Variants in EIF4G3 observed in about 807,000 individuals in gnomAD.
EIF4G3 encodes eIF-4-gamma 3.
EIF4G3 carries 34 observed loss-of-function variants against 186.4 expected under a neutral mutation model. The ratio of observed to expected loss-of-function variants is 0.18; its 90% CI spans 0.14 to 0.24. The LOEUF (loss-of-function observed/expected upper bound fraction) is 0.24, where lower values mean the gene tolerates loss of function less well. Ranked by LOEUF, EIF4G3 falls within the 10% of genes least tolerant of loss-of-function variation. The pLI is 1.00. For missense variants in EIF4G3, 1,536 were observed against 1,948.5 expected, an observed-to-expected ratio of 0.79 and a Z score of 3.99; for synonymous variants, 673 against 679.5, an observed-to-expected ratio of 0.99 and a Z score of 0.15.
At position 20,919,297 on chromosome 1, in the gene EIF4G3, T is replaced by C. The variant is rs1490136452; in HGVS notation, c.1664-14326A>G. 6.6e-5 allele frequency among the ~76,000 whole-genome samples: 10 copies of C among 152,198 alleles called. No homozygotes were observed. In the East Asian group the frequency reaches 9.7e-4, roughly 15 times the overall value. On this transcript the variant is annotated intron_variant, in intron 14 of 36. Coordinates refer to ENST00000602326, the MANE Select transcript of EIF4G3 (RefSeq NM_001391906.1). ...AATCACGGCAGACTGCAGCTTCAAC[T>C]TCCCTGGTTCAGGTGATCCTCCCAC...
At chr1:21,087,131 T>C (rs1461404558) in intron 3 of EIF4G3, among the ~76,000 whole-genome samples, 1 of 152,134 alleles carries the variant, frequency 6.6e-6, no homozygotes, top group Non-Finnish European at 1.5e-5. Context: ...TAGAATTATT[T>C]ATTTTCTTAT....
intron 2 of EIF4G3, among the ~76,000 whole-genome samples, chr1:21,091,138 TTC>T (rs1298374450): frequency 3.3e-5 from 5 of 152,122 alleles, no homozygotes; most frequent in African/African-American, 1.2e-4. Context: ...AGCTATAGTC[TTC>T]TTTTTTTAAT....
At chr1:20,948,800 G>C (rs1043792220) in intron 13 of EIF4G3, among the ~76,000 whole-genome samples, 1 of 151,802 alleles carries the variant, frequency 6.6e-6, no homozygotes, top group African/African-American at 2.4e-5. Context: ...TTTGAGGTCA[G>C]GAATTTGAGA....
chr1:21,162,641 G>A (rs1558256260), intron 2 of EIF4G3, among the ~76,000 whole-genome samples: 2 of 152,148 alleles, frequency 1.3e-5, no homozygotes, highest in African/African-American at 4.8e-5. Context: ...TACTCTGTAG[G>A]CTGAGGAAGG....
At chr1:20,817,215 C>G (rs1199963086) in intron 34 of EIF4G3, among the ~76,000 whole-genome samples, 177 bp downstream of exon 34, 1 of 128,046 alleles carries the variant, frequency 7.8e-6, no homozygotes, top group African/African-American at 3.0e-5. Context: ...TCCCCCTCTG[C>G]GAGAAACACC....
At chr1:20,865,325 G>C in intron 20 of EIF4G3, 63 bp from the exon 21 acceptor site, 2 of 1,572,516 alleles carry the variant, frequency 1.3e-6, no homozygotes, top group Non-Finnish European at 1.7e-6. Context: ...AAAAATATCT[G>C]TTTGCTTTAT....
At chr1:21,148,655 T>A (rs1301840723) in intron 2 of EIF4G3, among the ~76,000 whole-genome samples, 1 of 145,384 alleles carries the variant, frequency 6.9e-6, no homozygotes, top group Admixed American at 7.1e-5. Context: ...TGAGCCGAGA[T>A]CGCGCCACTG....
At chr1:21,053,435 C>G (rs1471359461) in intron 3 of EIF4G3, among the ~76,000 whole-genome samples, 75 of 150,112 alleles carry the variant, frequency 5.0e-4, no homozygotes, top group Non-Finnish European at 8.5e-4. Flanking sequence ...TAGCCCACCC[C>G]CCGGCCAGCC....
chr1:21,003,571 C>A lies in EIF4G3; in HGVS notation c.-66-763G>T, dbSNP rs2084185342. 1.8e-5 allele frequency: 5 copies of A among 278,798 alleles called. No individual in the cohort carries two copies. In the South Asian group the frequency reaches 2.0e-4, roughly 11 times the overall value. 17.3% of individuals were successfully genotyped at this position (278,798 alleles called of 1,614,324 possible). ...GAAAAAGAATCCCAGAACTTTCCCT[C>A]CTATGTGTTTCACCTTGCCTCTTCA... On this transcript the variant is annotated intron_variant, in intron 4 of 36. Transcript: ENST00000602326.
At chr1:21,092,526 A>C (rs1335375298) in intron 2 of EIF4G3, among the ~76,000 whole-genome samples, 1 of 152,176 alleles carries the variant, frequency 6.6e-6, no homozygotes. Flanking sequence ...CATACTGCCC[A>C]AGGTAATTTA....
chr1:20,882,176 TACACACACACACACACACAC>T (rs138208807), intron 19 of EIF4G3, among the ~76,000 whole-genome samples: 1 of 86,956 alleles, frequency 1.2e-5, no homozygotes, highest in African/African-American at 3.4e-5. Context: ...AAAGAAAAAT[TACACACACACACACACACAC>T]ACACACACAC....
At chr1:21,013,141 T>G (rs533219210) in intron 4 of EIF4G3, among the ~76,000 whole-genome samples, 7 of 151,970 alleles carry the variant, frequency 4.6e-5, no homozygotes, top group African/African-American at 1.7e-4. Context: ...GCCGGCAGAA[T>G]CTGGGAGGGA....
chr1:20,976,400 C>T (rs16824915), intron 10 of EIF4G3, among the ~76,000 whole-genome samples: 4,382 of 151,016 alleles, frequency 0.029, 141 homozygotes, highest in East Asian at 0.14. Flanking sequence ...AGGACTGCTC[C>T]TATTTGATGA....
At chr1:20,863,767 A>G (rs1409357896) in intron 22 of EIF4G3, among the ~76,000 whole-genome samples, 6 of 148,946 alleles carry the variant, frequency 4.0e-5, no homozygotes, top group African/African-American at 9.8e-5. Flanking sequence ...AAAAAAAAAA[A>G]AGAGAGAGAG....
chr1:21,117,336 A>C (rs1002785989), intron 2 of EIF4G3, among the ~76,000 whole-genome samples: 4 of 152,112 alleles, frequency 2.6e-5, no homozygotes, highest in African/African-American at 9.7e-5. Flanking sequence ...GTTAGATGAG[A>C]TACGGTCACA....
At chr1:21,056,450 G>A (rs1278499891) in intron 3 of EIF4G3, among the ~76,000 whole-genome samples, 2 of 152,160 alleles carry the variant, frequency 1.3e-5, no homozygotes, top group East Asian at 3.8e-4. Flanking sequence ...AGGGCTTAAT[G>A]TCTCTGCCAG....
chr1:20,900,549 GA>G (rs1558144992), intron 15 of EIF4G3, among the ~76,000 whole-genome samples: 2 of 150,164 alleles, frequency 1.3e-5, no homozygotes, highest in African/African-American at 4.9e-5. Context: ...AAAAAAAAGA[GA>G]AATCTGGGTT....
chr1:20,991,473 C>T (rs1013244163), intron 7 of EIF4G3, among the ~76,000 whole-genome samples: 4 of 151,686 alleles, frequency 2.6e-5, no homozygotes, highest in Admixed American at 2.0e-4. Context: ...GAGGCGGAGG[C>T]ACAAAAATCA....
chr1:21,050,558 G>GA (rs1259877254), intron 4 of EIF4G3, among the ~76,000 whole-genome samples: 1 of 152,160 alleles, frequency 6.6e-6, no homozygotes, highest in Non-Finnish European at 1.5e-5. Context: ...ATTAAGCATC[G>GA]AAAAGCAAAT....
Sources: gnomAD v4.1 joint callset for allele counts (sites outside exome capture counted in the v4.1 genomes callset) on GRCh38, gnomAD v4.1.1 for gene constraint, MANE v1.5 for transcripts, NCBI Gene and HGNC (gene_info 2026-07-23, HGNC 2026-07-21) for gene names.